STARD13: variants seen among roughly 807,000 people sequenced by gnomAD.
The protein encoded by STARD13 is StAR related lipid transfer domain containing 13, also known as stAR-related lipid transfer protein 13.
Under a neutral mutation model 106.4 loss-of-function variants are expected in STARD13, and 62 were observed. That is an observed-to-expected ratio of 0.58 (90% CI 0.48 to 0.72). The LOEUF (loss-of-function observed/expected upper bound fraction) is 0.72. Among genes scored for constraint, STARD13 ranks in the 30% least tolerant of loss-of-function variants. The probability of loss-of-function intolerance (pLI) is 0.00; values close to 1 mark genes in which losing one functional copy is unlikely to be tolerated. For synonymous variants in STARD13, 565 were observed against 553.0 expected, an observed-to-expected ratio of 1.02 and a Z score of -0.31; for missense variants, 1,387 against 1,424.0, an observed-to-expected ratio of 0.97 and a Z score of 0.42.
the STARD13 span, among the ~76,000 whole-genome samples, chr13:33,602,313 G>A: frequency 3.3e-5 from 5 of 152,212 alleles, no homozygotes; most frequent in East Asian, 1.9e-4. Flanking sequence ...GGATGGTCTC[G>A]ATCTCCTGAC....
At chr13:33,122,959 G>A (rs1298921756) in intron 7 of STARD13, among the ~76,000 whole-genome samples, 1 of 148,078 alleles carries the variant, frequency 6.8e-6, no homozygotes, top group Non-Finnish European at 1.5e-5. Context: ...AGGAGGCTGA[G>A]GCAGAAGAAT....
the STARD13 span, among the ~76,000 whole-genome samples, chr13:33,408,264 A>T: frequency 2.6e-5 from 4 of 152,132 alleles, no homozygotes; most frequent in African/African-American, 7.2e-5. Flanking sequence ...GAAATGGTTC[A>T]TTTTCTAAAA....
the STARD13 span, among the ~76,000 whole-genome samples, chr13:33,641,841 T>C: frequency 6.6e-6 from 1 of 152,210 alleles, no homozygotes; most frequent in African/African-American, 2.4e-5. Flanking sequence ...TTTTGTCTAC[T>C]CTGTCCCATA....
chr13:33,543,185 A>G, the STARD13 span, among the ~76,000 whole-genome samples: 2 of 152,158 alleles, frequency 1.3e-5, no homozygotes, highest in South Asian at 2.1e-4. Flanking sequence ...ACCCTGTATT[A>G]ATTGCCTGGT....
At chr13:33,186,752 A>T (rs1885802929) in intron 1 of STARD13, among the ~76,000 whole-genome samples, 1 of 152,186 alleles carries the variant, frequency 6.6e-6, no homozygotes, top group South Asian at 2.1e-4. Flanking sequence ...GAGATTAACA[A>T]TCTCAAAATA....
chr13:33,553,538 G>A, the STARD13 span, among the ~76,000 whole-genome samples: 1 of 151,074 alleles, frequency 6.6e-6, no homozygotes, highest in African/African-American at 2.4e-5. Flanking sequence ...CATAGTTTGA[G>A]TAGAATTTTT....
chr13:33,363,986 G>A, the STARD13 span, among the ~76,000 whole-genome samples: 1 of 152,074 alleles, frequency 6.6e-6, no homozygotes, highest in African/African-American at 2.4e-5. Flanking sequence ...TAACTATTAA[G>A]TCACAGTTGA....
the STARD13 span, among the ~76,000 whole-genome samples, chr13:33,440,368 G>C: frequency 6.6e-6 from 1 of 151,964 alleles, no homozygotes; most frequent in African/African-American, 2.4e-5. Flanking sequence ...CAGGGCCCTG[G>C]TGCCACCAAT....
the STARD13 span, among the ~76,000 whole-genome samples, chr13:33,367,802 T>A: frequency 6.6e-6 from 1 of 152,094 alleles, no homozygotes. Flanking sequence ...ATTTTTTTCC[T>A]GCCTGTATCC....
chr13:33,253,895 TGAA>T (rs1468147350), intron 1 of STARD13, among the ~76,000 whole-genome samples: 1 of 152,186 alleles, frequency 6.6e-6, no homozygotes, highest in African/African-American at 2.4e-5. Context: ...AAAACATAAA[TGAA>T]GGTTTTTCAA....
the STARD13 span, among the ~76,000 whole-genome samples, chr13:33,485,241 C>G: frequency 6.6e-6 from 1 of 152,170 alleles, no homozygotes; most frequent in Non-Finnish European, 1.5e-5. Context: ...CTGTCTAGTT[C>G]TTCTGAAACT....
At chr13:33,233,628 CA>C (rs1889037190) in intron 1 of STARD13, among the ~76,000 whole-genome samples, 1 of 152,242 alleles carries the variant, frequency 6.6e-6, no homozygotes, top group South Asian at 2.1e-4. Flanking sequence ...TGCAGGTACT[CA>C]GAAAGGCTGT....
chr13:33,435,177 C>T, the STARD13 span, among the ~76,000 whole-genome samples: 2,207 of 152,242 alleles, frequency 0.014, 55 homozygotes, highest in African/African-American at 0.05. Flanking sequence ...GGGCAGGTTC[C>T]TTGACTTCTC....
At chr13:33,173,530 G>C (rs1884203453) in intron 1 of STARD13, among the ~76,000 whole-genome samples, 1 of 152,098 alleles carries the variant, frequency 6.6e-6, no homozygotes, top group Admixed American at 6.5e-5. Flanking sequence ...CCATGGTATG[G>C]CATCAGGATA....
At chr13:33,491,543 G>A in the STARD13 span, among the ~76,000 whole-genome samples, 1 of 152,106 alleles carries the variant, frequency 6.6e-6, no homozygotes, top group Non-Finnish European at 1.5e-5. Flanking sequence ...TGAGACCTTG[G>A]GGGTTGAAAA....
the STARD13 span, among the ~76,000 whole-genome samples, chr13:33,593,308 C>T: frequency 9.2e-5 from 14 of 152,070 alleles, no homozygotes; most frequent in East Asian, 1.2e-3. Context: ...CCTCAGCCTC[C>T]GGAGTAGCTG....
At chr13:33,157,822 T>C (rs752364111) in intron 3 of STARD13, among the ~76,000 whole-genome samples, 10 of 152,240 alleles carry the variant, frequency 6.6e-5, no homozygotes, top group Non-Finnish European at 1.3e-4. Context: ...TTTACTGCAA[T>C]TTGTCCTAAA....
chr13:33,545,570 T>G, the STARD13 span, among the ~76,000 whole-genome samples: 1 of 152,206 alleles, frequency 6.6e-6, no homozygotes, highest in Non-Finnish European at 1.5e-5. Context: ...AAATCTCACG[T>G]TGAAATTTGA....
At chr13:33,200,573 G>T (rs1013246715) in intron 1 of STARD13, among the ~76,000 whole-genome samples, 10 of 152,174 alleles carry the variant, frequency 6.6e-5, no homozygotes, top group African/African-American at 2.4e-4. Flanking sequence ...TTGCCCTACT[G>T]GGGGACTTAC....
Sources: allele counts gnomAD v4.1 joint callset (sites outside exome capture counted in the v4.1 genomes callset), GRCh38; gene constraint gnomAD v4.1.1; transcripts MANE v1.5; gene names NCBI Gene and HGNC (gene_info 2026-07-23, HGNC 2026-07-21).